Variants in SLC1A1 observed in about 807,000 individuals in gnomAD.
The protein encoded by SLC1A1 is excitatory amino acid transporter 3.
SLC1A1 carries 43 observed loss-of-function variants against 53.3 expected under a neutral mutation model. The ratio of observed to expected loss-of-function variants is 0.81; its 90% CI spans 0.63 to 1.04. The LOEUF (loss-of-function observed/expected upper bound fraction) is 1.04, where lower values mean the gene tolerates loss of function less well. Among genes scored for constraint, SLC1A1 ranks in the 50% least tolerant of loss-of-function variants. The probability of loss-of-function intolerance (pLI) is 0.00; values close to 1 mark genes in which losing one functional copy is unlikely to be tolerated. For synonymous variants in SLC1A1, 307 were observed against 243.2 expected, an observed-to-expected ratio of 1.26 and a Z score of -2.44; for missense variants, 748 against 664.9, an observed-to-expected ratio of 1.12 and a Z score of -1.37.
intron 5 of SLC1A1, among the ~76,000 whole-genome samples, chr9:4,566,370 G>A (rs1231455841): frequency 1.3e-5 from 2 of 152,138 alleles, no homozygotes; most frequent in South Asian, 2.1e-4. Context: ...GTCAAATAAT[G>A]AGTATTTTAA....
chr9:4,527,687 C>A (rs1816312500), intron 1 of SLC1A1, among the ~76,000 whole-genome samples: 3 of 152,060 alleles, frequency 2.0e-5, no homozygotes, highest in African/African-American at 7.2e-5. Flanking sequence ...ATGGCAGCAC[C>A]TATCCAATGC....
Position 4,583,843 on chromosome 9 carries a change from TCAA to T in SLC1A1, c.1328+677_1328+679del, listed in dbSNP as rs1189493139. Among the ~76,000 whole-genome samples the T allele has an allele frequency of 1.1e-4, 15 of 135,016 alleles. No individual in the cohort carries two copies. Among genetic ancestry groups the T allele is most frequent in the Non-Finnish European group, 2.1e-4 (13 of 62,146 alleles). 88.6% of individuals were successfully genotyped at this position (135,016 alleles called of 152,430 possible). On this transcript the variant is annotated intron_variant, in intron 11 of 11. Coordinates refer to ENST00000262352, the MANE Select transcript of SLC1A1 (RefSeq NM_004170.6). This position sits in a 1 kb window ranked among gnomAD's most constrained non-coding sequence, Gnocchi z 4.6. Reference sequence around the variant, plus strand: ...ATGAGTTGGACCATTCAGGCCCCAATCAACAACACTTCTCTCTCTCTCTCTCTC... The same window carrying T: ...ATGAGTTGGACCATTCAGGCCCCAATCAACACTTCTCTCTCTCTCTCTCTC...
intron 1 of SLC1A1, among the ~76,000 whole-genome samples, chr9:4,527,999 T>C (rs1352352572): frequency 6.6e-6 from 1 of 152,172 alleles, no homozygotes; most frequent in East Asian, 1.9e-4. Flanking sequence ...CTGTGCATGT[T>C]ATCCTCTGTG....
At chr9:4,582,793 G>C (rs944137153) in intron 10 of SLC1A1, among the ~76,000 whole-genome samples, 4 of 152,102 alleles carry the variant, frequency 2.6e-5, no homozygotes, top group Non-Finnish European at 5.9e-5. Flanking sequence ...CCTTGCATTA[G>C]AGTGATGTGC....
In SLC1A1 at chr9:4,556,191, G is replaced by GT. The variant is rs1586779221; in HGVS notation, c.233-5251dup. 2.0e-5 allele frequency among the ~76,000 whole-genome samples: 3 copies of GT among 151,734 alleles called. No homozygotes were observed. Among genetic ancestry groups the GT allele is most frequent in the Non-Finnish European group, 2.9e-5 (2 of 67,884 alleles). On this transcript the variant is annotated intron_variant, in intron 2 of 11. Transcript: ENST00000262352. The surrounding 1 kb of genome is among the most constrained non-coding windows in gnomAD (Gnocchi z 4.1). ...TGTGTGGTTTTGTTTTTGTTTTTTTGTTTTTTTAAGTAGAGATGGGGTTTC... is the reference window on the plus strand; with the variant it reads ...TGTGTGGTTTTGTTTTTGTTTTTTTGTTTTTTTTAAGTAGAGATGGGGTTTC...
intron 2 of SLC1A1, among the ~76,000 whole-genome samples, chr9:4,555,707 A>G (rs972405798): frequency 6.6e-6 from 1 of 152,166 alleles, no homozygotes. Context: ...TTCACAGGGA[A>G]CTGGAATCGT....
chr9:4,500,620 G>T (rs1312921827), intron 1 of SLC1A1, among the ~76,000 whole-genome samples: 1 of 152,040 alleles, frequency 6.6e-6, no homozygotes, highest in Non-Finnish European at 1.5e-5. Flanking sequence ...CCAAGAAACT[G>T]ATTTAGAAAG....
chr9:4,560,368 T>G (rs1167831702), intron 2 of SLC1A1, among the ~76,000 whole-genome samples: 1 of 152,174 alleles, frequency 6.6e-6, no homozygotes, highest in Non-Finnish European at 1.5e-5. Context: ...AAAATTATCC[T>G]CAGGGTGAGT....
intron 1 of SLC1A1, among the ~76,000 whole-genome samples, chr9:4,527,095 G>A (rs1223931063): frequency 1.3e-5 from 2 of 152,182 alleles, no homozygotes; most frequent in African/African-American, 2.4e-5. Flanking sequence ...TGTTGTCAGA[G>A]GGCCACATGG....
intron 1 of SLC1A1, among the ~76,000 whole-genome samples, chr9:4,529,829 A>AAT (rs1038462791): frequency 1.6e-4 from 24 of 152,050 alleles, no homozygotes; most frequent in African/African-American, 5.6e-4. Flanking sequence ...TCATTTTTAA[A>AAT]ATATATATAT....
At chr9:4,546,997 A>G (rs766080617) in intron 2 of SLC1A1, among the ~76,000 whole-genome samples, 7 of 152,272 alleles carry the variant, frequency 4.6e-5, no homozygotes, top group Admixed American at 3.3e-4. Flanking sequence ...CAAATTATGC[A>G]GCAAACCCAA....
chr9:4,583,882 T>TCTCACACACACACA lies in SLC1A1; in HGVS notation c.1328+711_1328+712insTCACACACACACAC, dbSNP rs1423949414. On this transcript the variant is annotated intron_variant, in intron 11 of 11. Coordinates refer to ENST00000262352, the MANE Select transcript of SLC1A1 (RefSeq NM_004170.6). The surrounding 1 kb of genome is among the most constrained non-coding windows in gnomAD (Gnocchi z 4.6). ...CTCTCTCTCTCTCTCTCTCTCTCTC[T>TCTCACACACACACA]CACACACACACACACACACACACAC... Among the ~76,000 whole-genome samples, 11 of 137,040 alleles carry TCTCACACACACACA rather than the reference T, an allele frequency of 8.0e-5. No homozygotes were observed. Among genetic ancestry groups the TCTCACACACACACA allele is most frequent in the African/African-American group, 2.8e-4 (10 of 35,356 alleles). 89.9% of individuals were successfully genotyped at this position (137,040 alleles called of 152,430 possible).
At chr9:4,552,048 G>A (rs1449535300) in intron 2 of SLC1A1, among the ~76,000 whole-genome samples, 1 of 152,192 alleles carries the variant, frequency 6.6e-6, no homozygotes, top group Non-Finnish European at 1.5e-5. Context: ...AACCATGCAT[G>A]AGCCTTCTTT....
intron 1 of SLC1A1, among the ~76,000 whole-genome samples, chr9:4,543,835 T>C (rs1817225089): frequency 6.6e-6 from 1 of 152,070 alleles, no homozygotes; most frequent in Non-Finnish European, 1.5e-5. Context: ...CCATAAAAAG[T>C]ACTTATAATA....
At chr9:4,499,356 A>G (rs1412110995) in intron 1 of SLC1A1, among the ~76,000 whole-genome samples, 1 of 152,110 alleles carries the variant, frequency 6.6e-6, no homozygotes, top group East Asian at 1.9e-4. Flanking sequence ...TATATTATGT[A>G]TCTCCATCTA....
intron 1 of SLC1A1, among the ~76,000 whole-genome samples, chr9:4,518,211 G>C (rs1378809796): frequency 3.4e-5 from 4 of 118,168 alleles, no homozygotes; most frequent in Admixed American, 1.1e-4. Flanking sequence ...CTCCAGCCTA[G>C]GTGAAAGAGC....
chr9:4,504,472 A>G (rs922939449), intron 1 of SLC1A1, among the ~76,000 whole-genome samples: 38 of 152,246 alleles, frequency 2.5e-4, no homozygotes, highest in South Asian at 4.1e-4. Flanking sequence ...TGGTCACCAA[A>G]GAGTCGGAAA....
At chr9:4,559,646 C>G (rs1032934922) in intron 2 of SLC1A1, among the ~76,000 whole-genome samples, 2 of 152,116 alleles carry the variant, frequency 1.3e-5, no homozygotes, top group African/African-American at 4.8e-5. Context: ...CTTGGGGTTG[C>G]CTTGTGACAA....
In SLC1A1 at chr9:4,519,306, C is replaced by G. The variant is rs139019057; in HGVS notation, c.92-25261C>G. 5.3e-5 allele frequency among the ~76,000 whole-genome samples: 8 copies of G among 152,316 alleles called. No individual in the cohort carries two copies. The East Asian group carries it at 1.5e-3, about 29-fold the overall frequency. Reference sequence around the variant, plus strand: ...AATAATGCATGACATTGGTTTAGATCACAGTGTTTCCTATGTACATTTTCT... The same window carrying G: ...AATAATGCATGACATTGGTTTAGATGACAGTGTTTCCTATGTACATTTTCT... On this transcript the variant is annotated intron_variant, in intron 1 of 11. Transcript: ENST00000262352.
Sources: gnomAD v4.1 joint callset for allele counts (sites outside exome capture counted in the v4.1 genomes callset) on GRCh38, gnomAD v4.1.1 for gene constraint, Gnocchi (gnomAD v3.1) non-coding constraint, MANE v1.5 for transcripts, NCBI Gene and HGNC (gene_info 2026-07-23, HGNC 2026-07-21) for gene names.